The following NTNG1 variants were observed in gnomAD, a reference collection of about 807,000 sequenced individuals.
NTNG1 encodes netrin G1, also known as netrin-G1.
Under a neutral mutation model 54.0 loss-of-function variants are expected in NTNG1, and 16 were observed. That is an observed-to-expected ratio of 0.30 (90% CI 0.20 to 0.45). The LOEUF (loss-of-function observed/expected upper bound fraction) is 0.45. Among genes scored for constraint, NTNG1 ranks in the 20% least tolerant of loss-of-function variants. The probability of loss-of-function intolerance (pLI) is 1.00; values close to 1 mark genes in which losing one functional copy is unlikely to be tolerated. For synonymous variants in NTNG1, 255 were observed against 263.1 expected (o/e 0.97, Z 0.30); for missense variants, 530 against 678.7 (o/e 0.78, Z 2.43).
intron 3 of NTNG1, among the ~76,000 whole-genome samples, chr1:107,332,568 C>T (rs890207507): frequency 6.6e-6 from 1 of 151,950 alleles, no homozygotes; most frequent in African/African-American, 2.4e-5. Flanking sequence ...TCTTTCTGTA[C>T]CTAGGATCAG....
chr1:107,414,084 TG>T (rs1376868933), intron 5 of NTNG1, among the ~76,000 whole-genome samples: 2 of 152,188 alleles, frequency 1.3e-5, no homozygotes, highest in Non-Finnish European at 2.9e-5. Flanking sequence ...AAAGCTTTCT[TG>T]ATGTTAATAA....
At chr1:107,369,078 T>C (rs891399011) in intron 3 of NTNG1, among the ~76,000 whole-genome samples, 1 of 152,196 alleles carries the variant, frequency 6.6e-6, no homozygotes, top group Non-Finnish European at 1.5e-5. Flanking sequence ...AACATAATTA[T>C]TTTGAGATTC....
intron 7 of NTNG1, among the ~76,000 whole-genome samples, chr1:107,455,854 G>T (rs760848875): frequency 1.3e-5 from 2 of 152,196 alleles, no homozygotes; most frequent in African/African-American, 4.8e-5. Flanking sequence ...CAGACACCCT[G>T]TCTCAGCTCC....
At chr1:107,322,330 G>A (rs1365692444) in intron 2 of NTNG1, among the ~76,000 whole-genome samples, 1 of 152,082 alleles carries the variant, frequency 6.6e-6, no homozygotes, top group African/African-American at 2.4e-5. Context: ...GACCTCAGAT[G>A]AAGACACTTT....
intron 3 of NTNG1, among the ~76,000 whole-genome samples, chr1:107,393,977 T>C (rs1672520987): frequency 6.6e-6 from 1 of 152,106 alleles, no homozygotes; most frequent in South Asian, 2.1e-4. Flanking sequence ...TGATTTTCTA[T>C]ATTTTTGTCC....
chr1:107,353,522 T>G (rs745762806), intron 3 of NTNG1, among the ~76,000 whole-genome samples: 3 of 152,114 alleles, frequency 2.0e-5, no homozygotes, highest in Non-Finnish European at 2.9e-5. Context: ...CTATTCACAT[T>G]TTTGTCACAA....
intron 2 of NTNG1, among the ~76,000 whole-genome samples, chr1:107,270,341 T>C (rs1664059607): frequency 6.6e-6 from 1 of 152,204 alleles, no homozygotes; most frequent in African/African-American, 2.4e-5. Flanking sequence ...TCTTCACTTA[T>C]TCTCATGATG....
chr1:107,459,097 T>C (rs149099251), intron 7 of NTNG1, among the ~76,000 whole-genome samples: 26 of 152,298 alleles, frequency 1.7e-4, no homozygotes, highest in African/African-American at 5.5e-4. Flanking sequence ...TGATATAGCT[T>C]AGGTTCACAC....
chr1:107,189,927 T>C (rs1198381547), intron 2 of NTNG1, among the ~76,000 whole-genome samples: 1 of 152,086 alleles, frequency 6.6e-6, no homozygotes, highest in Admixed American at 6.6e-5. Context: ...AAATATCCAT[T>C]GACAGATGAA....
At chr1:107,329,738 C>A (rs968714064) in intron 3 of NTNG1, among the ~76,000 whole-genome samples, 4 of 152,094 alleles carry the variant, frequency 2.6e-5, no homozygotes, top group Admixed American at 1.3e-4. Context: ...TTAACAGATT[C>A]TGCTTTTTAT....
chr1:107,319,234 G>C (rs1262193014), intron 2 of NTNG1, among the ~76,000 whole-genome samples: 1 of 152,112 alleles, frequency 6.6e-6, no homozygotes, highest in Non-Finnish European at 1.5e-5. Context: ...AGCCAAGCAA[G>C]AATTTGGGAG....
intron 7 of NTNG1, among the ~76,000 whole-genome samples, chr1:107,442,215 G>C (rs1036682250): frequency 8.5e-5 from 13 of 152,112 alleles, no homozygotes; most frequent in African/African-American, 3.1e-4. Context: ...CATGGAGAAG[G>C]CATTGTCACA....
chr1:107,174,114 T>G (rs533551162), intron 2 of NTNG1, among the ~76,000 whole-genome samples: 48 of 152,286 alleles, frequency 3.2e-4, no homozygotes, highest in African/African-American at 1.2e-3. Flanking sequence ...ACTAAATTAT[T>G]GTTTAATTTA....
chr1:107,333,269 C>T (rs930427554), intron 3 of NTNG1, among the ~76,000 whole-genome samples: 1 of 151,994 alleles, frequency 6.6e-6, no homozygotes, highest in Non-Finnish European at 1.5e-5. Flanking sequence ...GCTAATAATT[C>T]TTTGTCAGCT....
intron 2 of NTNG1, among the ~76,000 whole-genome samples, chr1:107,157,625 A>G (rs1655098561): frequency 6.6e-6 from 1 of 152,174 alleles, no homozygotes; most frequent in Non-Finnish European, 1.5e-5. Context: ...AGATTGATAT[A>G]GGGACATATT....
chr1:107,436,876 T>C lies in NTNG1; in HGVS notation c.1390+77T>C, dbSNP rs1675633835. The C allele has an allele frequency of 3.0e-6, 4 of 1,350,974 alleles. No homozygotes were observed. The South Asian group carries it at 4.0e-5, about 13-fold the overall frequency. The allele number at this position is 1,350,974 out of a possible 1,614,324, so 83.7% of individuals were successfully genotyped here. ...GCTTGGCTAGGCCGGTGCGTGCAGC[T>C]TCTCAGAGCAGAAAAAGATCCAAAC... On this transcript the variant is annotated intron_variant, in intron 7 of 7. Coordinates refer to ENST00000370068, the MANE Select transcript of NTNG1 (RefSeq NM_001113226.3).
chr1:107,279,331 T>G (rs1478483426), intron 2 of NTNG1, among the ~76,000 whole-genome samples: 1 of 152,216 alleles, frequency 6.6e-6, no homozygotes, highest in Non-Finnish European at 1.5e-5. Context: ...AAGTTCTTCA[T>G]CTTCTCAATT....
chr1:107,449,300 C>T (rs1015741603), intron 7 of NTNG1, among the ~76,000 whole-genome samples: 1 of 151,920 alleles, frequency 6.6e-6, no homozygotes, highest in Non-Finnish European at 1.5e-5. Context: ...AAATAGTAAT[C>T]GCTGGCCCCA....
chr1:107,439,036 G>A (rs1442268789), intron 7 of NTNG1, among the ~76,000 whole-genome samples: 1 of 152,144 alleles, frequency 6.6e-6, no homozygotes, highest in South Asian at 2.1e-4. Flanking sequence ...AAAAGAGAGA[G>A]CTACTGTGGA....
Sources: allele counts gnomAD v4.1 joint callset (sites outside exome capture counted in the v4.1 genomes callset), GRCh38; gene constraint gnomAD v4.1.1; transcripts MANE v1.5; gene names NCBI Gene and HGNC (gene_info 2026-07-23, HGNC 2026-07-21).